CTNNBL1: variants seen among roughly 807,000 people sequenced by gnomAD.
CTNNBL1 encodes the protein beta-catenin-like protein 1.
Under a neutral mutation model 72.7 loss-of-function variants are expected in CTNNBL1, and 31 were observed. The ratio of observed to expected loss-of-function variants is 0.43; its 90% CI spans 0.32 to 0.58. The LOEUF (loss-of-function observed/expected upper bound fraction) is 0.58, where lower values mean the gene tolerates loss of function less well. CTNNBL1 is among the 20% of genes least tolerant of loss of function. CTNNBL1 has a pLI of 0.08. For synonymous variants in CTNNBL1, 240 were observed against 267.3 expected (o/e 0.90, Z 1.00); for missense variants, 534 against 725.1 (o/e 0.74, Z 3.03).
intron 1 of CTNNBL1, among the ~76,000 whole-genome samples, chr20:37,726,632 G>A (rs2073087328): frequency 1.3e-5 from 2 of 152,152 alleles, no homozygotes; most frequent in African/African-American, 4.8e-5. Context: ...TCTGAAGTTA[G>A]CCAAGCTCCT....
At chr20:37,764,055 A>C (rs927359191) in intron 5 of CTNNBL1, among the ~76,000 whole-genome samples, 1 of 152,204 alleles carries the variant, frequency 6.6e-6, no homozygotes, top group Non-Finnish European at 1.5e-5. Flanking sequence ...ATAATCAGGC[A>C]TCAACAGGGT....
intron 7 of CTNNBL1, among the ~76,000 whole-genome samples, chr20:37,773,806 CTGATA>C (rs1308590388): frequency 6.6e-6 from 1 of 151,714 alleles, no homozygotes; most frequent in Non-Finnish European, 1.5e-5. Context: ...TTTTCATCAT[CTGATA>C]TGAGTTTCAT....
chr20:37,857,135 G>C (rs2072449890), intron 13 of CTNNBL1, among the ~76,000 whole-genome samples: 1 of 152,200 alleles, frequency 6.6e-6, no homozygotes, highest in Non-Finnish European at 1.5e-5. Context: ...AGTAACTGCT[G>C]AACACTTCAG....
intron 1 of CTNNBL1, among the ~76,000 whole-genome samples, chr20:37,717,322 C>T (rs1279467501): frequency 6.6e-6 from 1 of 152,232 alleles, no homozygotes; most frequent in Non-Finnish European, 1.5e-5. Context: ...TCTCTGTTAA[C>T]AGGTATGTCT....
chr20:37,700,452 T>C (rs1279640735), intron 1 of CTNNBL1, among the ~76,000 whole-genome samples: 1 of 152,216 alleles, frequency 6.6e-6, no homozygotes, highest in Non-Finnish European at 1.5e-5. Flanking sequence ...CTACAAGTAA[T>C]AGAGATAGGC....
At chr20:37,868,733 G>A (rs6021475) in intron 15 of CTNNBL1, among the ~76,000 whole-genome samples, 1 of 152,156 alleles carries the variant, frequency 6.6e-6, no homozygotes, top group African/African-American at 2.4e-5. Context: ...GATTGATGCA[G>A]GTGTGGGTTC....
At chr20:37,799,458 A>C (rs566499721) in intron 10 of CTNNBL1, among the ~76,000 whole-genome samples, 1 of 152,154 alleles carries the variant, frequency 6.6e-6, no homozygotes, top group African/African-American at 2.4e-5. Flanking sequence ...CATGCTGTAC[A>C]GCCACCACTC....
At chr20:37,777,172 T>C (rs1465112124) in intron 7 of CTNNBL1, 173 bp from the exon 8 acceptor site, 1 of 564,262 alleles carries the variant, frequency 1.8e-6, no homozygotes, top group Non-Finnish European at 3.2e-6. Flanking sequence ...TCTGTCACTT[T>C]ACTTGGTTCT....
At chr20:37,818,962 G>A (rs574665315) in intron 11 of CTNNBL1, among the ~76,000 whole-genome samples, 5 of 151,858 alleles carry the variant, frequency 3.3e-5, no homozygotes, top group African/African-American at 1.2e-4. Flanking sequence ...CCTTTTTTAG[G>A]CTCCCCTCAC....
At chr20:37,855,672 C>T (rs970341850) in intron 13 of CTNNBL1, among the ~76,000 whole-genome samples, 4 of 152,142 alleles carry the variant, frequency 2.6e-5, no homozygotes, top group Admixed American at 6.5e-5. Flanking sequence ...TGCTCTAAGC[C>T]GATGTGTCCA....
chr20:37,733,046 TGGGGAA>T lies in CTNNBL1; in HGVS notation c.200_205del (p.Gly67_Glu68del). ...GGCTGCTGCAGATTATTGACAGAGATGGGGAAGAGGAAGAGGAAGAGGTAACGTGGC... is the reference window on the plus strand; with the variant it reads ...GGCTGCTGCAGATTATTGACAGAGATGAGGAAGAGGAAGAGGTAACGTGGC... On this transcript the variant is annotated inframe_deletion, in exon 2 of 16. Coordinates refer to ENST00000361383, the MANE Select transcript of CTNNBL1 (RefSeq NM_030877.5). The T allele has an allele frequency of 1.9e-6, 3 of 1,612,942 alleles. No homozygotes were observed. The highest frequency in any genetic ancestry group is 1.3e-5 in the African/African-American group (1 of 74,862).
At chr20:37,706,179 G>A (rs1320632648) in intron 1 of CTNNBL1, among the ~76,000 whole-genome samples, 1 of 152,168 alleles carries the variant, frequency 6.6e-6, no homozygotes, top group Admixed American at 6.5e-5. Flanking sequence ...TCCTTTTGCT[G>A]GCTGCTGACT....
intron 15 of CTNNBL1, among the ~76,000 whole-genome samples, chr20:37,868,335 C>T (rs745619995): frequency 1.3e-5 from 2 of 151,790 alleles, no homozygotes; most frequent in Non-Finnish European, 2.9e-5. Context: ...GTTTGAATTC[C>T]GGCTCCTCTA....
In CTNNBL1 at chr20:37,770,621, G is replaced by A. The variant is rs188115347; in HGVS notation, c.750+2577G>A. ...CTTTTGAGTGTTTGGCTTGGATGCC[G>A]TTACCCTTATGATCATAATGAAGGG... On this transcript the variant is annotated intron_variant, in intron 7 of 15. Transcript: ENST00000361383. Among the ~76,000 whole-genome samples the A allele has an allele frequency of 1.4e-4, 21 of 151,586 alleles. No homozygotes were observed. The East Asian group carries it at 2.9e-3, about 21-fold the overall frequency.
intron 1 of CTNNBL1, among the ~76,000 whole-genome samples, chr20:37,728,699 C>G (rs1200519746): frequency 6.6e-6 from 1 of 152,156 alleles, no homozygotes; most frequent in East Asian, 1.9e-4. Flanking sequence ...TAAAACATAT[C>G]AGGGCTTTTG....
chr20:37,746,150 A>G (rs1427697050), intron 3 of CTNNBL1, among the ~76,000 whole-genome samples: 2 of 152,202 alleles, frequency 1.3e-5, no homozygotes, highest in East Asian at 1.9e-4. Context: ...ACCAAGGGGT[A>G]ATGGTGGCTA....
At chr20:37,705,719 C>T (rs969545350) in intron 1 of CTNNBL1, among the ~76,000 whole-genome samples, 4 of 152,164 alleles carry the variant, frequency 2.6e-5, no homozygotes, top group Non-Finnish European at 5.9e-5. Context: ...TTTTCTAGCG[C>T]CAAGAATCTC....
At chr20:37,827,574 C>T (rs1248295322) in intron 11 of CTNNBL1, among the ~76,000 whole-genome samples, 1 of 152,184 alleles carries the variant, frequency 6.6e-6, no homozygotes, top group Non-Finnish European at 1.5e-5. Context: ...AGCAGACTTC[C>T]CTTTTTCCCC....
In CTNNBL1 at chr20:37,789,079, C is replaced by T. The variant is rs574357409; in HGVS notation, c.1031+9744C>T. ...GGAACTCGTGCTGTGAAGAAAGCAG[C>T]GGGTAGCCATCCTAGAGTACAGGAA... On this transcript the variant is annotated intron_variant, in intron 10 of 15. Transcript: ENST00000361383. 3.3e-5 allele frequency among the ~76,000 whole-genome samples: 5 copies of T among 152,130 alleles called. No homozygotes were observed. In the East Asian group the frequency reaches 9.6e-4, roughly 29 times the overall value.
Sources: gnomAD v4.1 joint callset for allele counts (sites outside exome capture counted in the v4.1 genomes callset) on GRCh38, gnomAD v4.1.1 for gene constraint, MANE v1.5 for transcripts, NCBI Gene and HGNC (gene_info 2026-07-23, HGNC 2026-07-21) for gene names.